KCNIP3: variants seen among roughly 807,000 people sequenced by gnomAD.
KCNIP3 encodes the protein potassium voltage-gated channel interacting protein 3.
Under a neutral mutation model 35.0 loss-of-function variants are expected in KCNIP3, and 28 were observed. The ratio of observed to expected loss-of-function variants is 0.80; its 90% confidence interval spans 0.59 to 1.10. The LOEUF (loss-of-function observed/expected upper bound fraction) is 1.10. Ranked by LOEUF, KCNIP3 falls within the 50% of genes least tolerant of loss-of-function variation. The pLI is 0.00. For synonymous variants in KCNIP3, 134 were observed against 133.8 expected (o/e 1.00, Z -0.01); for missense variants, 295 against 338.4 (o/e 0.87, Z 1.01).
At chr2:95,329,742 G>A (rs897897897) in intron 2 of KCNIP3, among the ~76,000 whole-genome samples, 7 of 152,218 alleles carry the variant, frequency 4.6e-5, no homozygotes, top group African/African-American at 9.6e-5. Context: ...TGGCGTGCAC[G>A]TTCCCAATTA....
At chr2:95,364,481 C>T (rs1679872623) in intron 2 of KCNIP3, among the ~76,000 whole-genome samples, 1 of 152,086 alleles carries the variant, frequency 6.6e-6, no homozygotes, top group South Asian at 2.1e-4. Flanking sequence ...ATGTTTGTCC[C>T]CCCCCACATC....
intron 2 of KCNIP3, chr2:95,313,921 A>C (rs1283835896): frequency 6.6e-6 from 1 of 151,954 alleles, no homozygotes; most frequent in African/African-American, 2.4e-5. Flanking sequence ...TTCCTCACAC[A>C]CACACACACA....
chr2:95,346,664 G>T (rs1679377425), intron 2 of KCNIP3: 1 of 146,232 alleles, frequency 6.8e-6, no homozygotes, highest in Non-Finnish European at 1.5e-5. Context: ...CGACAGAGGC[G>T]CAGCGCCCGC....
chr2:95,297,603 CG>C, intron 1 of KCNIP3, 150 bp downstream of exon 1: 1 of 694,436 alleles, frequency 1.4e-6, no homozygotes, highest in South Asian at 1.9e-5. Context: ...AGCGTTGGGG[CG>C]TCCTGGCTGG....
intron 2 of KCNIP3, among the ~76,000 whole-genome samples, chr2:95,364,486 C>T (rs1006426608): frequency 6.6e-6 from 1 of 152,150 alleles, no homozygotes; most frequent in South Asian, 2.1e-4. Flanking sequence ...TGTCCCCCCC[C>T]ACATCTCATG....
At position 95,385,817 on chromosome 2, in the gene KCNIP3, C is replaced by T. The variant is rs1360316566; in HGVS notation, c.*1768C>T. 1 of 152,728 alleles carries T rather than the reference C, an allele frequency of 6.5e-6. No homozygotes were observed. Among genetic ancestry groups the T allele is most frequent in the Non-Finnish European group, 1.5e-5 (1 of 68,148 alleles). 9.5% of individuals were successfully genotyped at this position (152,728 alleles called of 1,614,324 possible). A position where few individuals can be genotyped will look rare whatever the true frequency, so the allele number is the denominator to read the frequency against. On this transcript the variant is annotated 3_prime_UTR_variant, in exon 9 of 9. Coordinates refer to ENST00000295225, the MANE Select transcript of KCNIP3 (RefSeq NM_013434.5). ...TCCCCTCACCCGCTGCCCAGCCCTCCCAGCTGGTGTCACTCTGCCTCTAAG... is the reference window on the plus strand; with the variant it reads ...TCCCCTCACCCGCTGCCCAGCCCTCTCAGCTGGTGTCACTCTGCCTCTAAG...
At chr2:95,337,985 GAACA>G (rs1483072081) in intron 2 of KCNIP3, among the ~76,000 whole-genome samples, 1 of 152,226 alleles carries the variant, frequency 6.6e-6, no homozygotes, top group Non-Finnish European at 1.5e-5. Flanking sequence ...GGAAGCAGGA[GAACA>G]AACAGTGAAT....
chr2:95,348,867 A>G (rs1257936888), intron 2 of KCNIP3, among the ~76,000 whole-genome samples: 1 of 152,134 alleles, frequency 6.6e-6, no homozygotes, highest in Non-Finnish European at 1.5e-5. Context: ...AAAATCCCTT[A>G]AACAGTCGAA....
chr2:95,332,671 C>T (rs1258180826), intron 2 of KCNIP3, among the ~76,000 whole-genome samples: 3 of 152,194 alleles, frequency 2.0e-5, no homozygotes, highest in Admixed American at 1.3e-4. Context: ...TGGGCAAACA[C>T]ATTTGGGGAG....
At chr2:95,351,672 G>A (rs1048315563) in intron 2 of KCNIP3, among the ~76,000 whole-genome samples, 2 of 152,190 alleles carry the variant, frequency 1.3e-5, no homozygotes, top group African/African-American at 2.4e-5. Context: ...ATTTACTGTC[G>A]TATAGCTCTG....
intron 2 of KCNIP3, among the ~76,000 whole-genome samples, chr2:95,370,926 A>G (rs1373643851): frequency 6.6e-6 from 1 of 151,608 alleles, no homozygotes; most frequent in Admixed American, 6.6e-5. Flanking sequence ...ACACCTGGCT[A>G]ACTTTTTTTT....
rs538631795 is a variant in KCNIP3 at position 95,320,221 on chromosome 2, G to A, written c.181+9701G>A. Reference sequence around the variant, plus strand: ...GAACCACACGGAGGGAGCCTGAGGCGCTGTGGCCTCTGACCCTCAGTCCAC... The same window carrying A: ...GAACCACACGGAGGGAGCCTGAGGCACTGTGGCCTCTGACCCTCAGTCCAC... On this transcript the variant is annotated intron_variant, in intron 2 of 8. Coordinates refer to ENST00000295225, the MANE Select transcript of KCNIP3 (RefSeq NM_013434.5). Among the ~76,000 whole-genome samples the A allele has an allele frequency of 4.6e-5, 7 of 152,256 alleles. No homozygotes were observed. In the South Asian group the frequency reaches 1.4e-3, roughly 32 times the overall value.
chr2:95,347,182 G>A, intron 2 of KCNIP3: 1 of 1,424,932 alleles, frequency 7.0e-7, no homozygotes, highest in Non-Finnish European at 9.7e-7. Context: ...TCTGGAGGGA[G>A]GGACCAGTAC....
chr2:95,319,405 C>T (rs1476941658), intron 2 of KCNIP3, among the ~76,000 whole-genome samples: 2 of 152,224 alleles, frequency 1.3e-5, no homozygotes, highest in Admixed American at 6.5e-5. Context: ...CCTTCCCTTC[C>T]TCAGGAAGTT....
chr2:95,315,929 G>T (rs949887161), intron 2 of KCNIP3, among the ~76,000 whole-genome samples: 2 of 152,236 alleles, frequency 1.3e-5, no homozygotes. Flanking sequence ...TGCACATGCA[G>T]ATACCAGTGG....
In KCNIP3 at chr2:95,376,184, A is replaced by G. The variant is rs2104301933; in HGVS notation, c.447+976A>G. Among the ~76,000 whole-genome samples, 1 of 152,280 alleles carries G rather than the reference A, an allele frequency of 6.6e-6. No individual in the cohort carries two copies. The highest frequency in any genetic ancestry group is 1.5e-5 in the Non-Finnish European group (1 of 68,026). ...ATTTGAAATACCAACCCCACAGCAC[A>G]CAGAAAACACCCGGTTAGCATGGAG... On this transcript the variant is annotated intron_variant, in intron 5 of 8. Coordinates refer to ENST00000295225, the MANE Select transcript of KCNIP3 (RefSeq NM_013434.5). This position sits in a 1 kb window ranked among gnomAD's most constrained non-coding sequence, Gnocchi z 4.2.
chr2:95,350,781 C>A (rs1679496251), intron 2 of KCNIP3, among the ~76,000 whole-genome samples: 1 of 152,172 alleles, frequency 6.6e-6, no homozygotes, highest in Non-Finnish European at 1.5e-5. Context: ...TAAAAAATAC[C>A]CGCTGTGCCC....
chr2:95,299,315 C>T (rs1677959554), intron 1 of KCNIP3, among the ~76,000 whole-genome samples: 1 of 152,214 alleles, frequency 6.6e-6, no homozygotes, highest in Admixed American at 6.5e-5. Context: ...CATTAGGTTT[C>T]TCATCAAGAT....
At chr2:95,381,384 C>T (rs1680335005) in intron 5 of KCNIP3, among the ~76,000 whole-genome samples, 1 of 152,054 alleles carries the variant, frequency 6.6e-6, no homozygotes, top group Non-Finnish European at 1.5e-5. Flanking sequence ...TGCACACCCT[C>T]ACACAAGTTC....
Sources: gnomAD v4.1 joint callset for allele counts (sites outside exome capture counted in the v4.1 genomes callset) on GRCh38, gnomAD v4.1.1 for gene constraint, Gnocchi (gnomAD v3.1) non-coding constraint, MANE v1.5 for transcripts, NCBI Gene and HGNC (gene_info 2026-07-23, HGNC 2026-07-21) for gene names.